ABHD2: variants seen among roughly 807,000 people sequenced by gnomAD.
ABHD2 encodes abhydrolase domain containing 2, acylglycerol lipase, also known as monoacylglycerol lipase ABHD2.
ABHD2 carries 20 observed loss-of-function variants against 48.1 expected under a neutral mutation model. That is an observed-to-expected ratio of 0.42 (90% CI 0.29 to 0.60). The LOEUF (loss-of-function observed/expected upper bound fraction) is 0.60. ABHD2 is among the 20% of genes least tolerant of loss of function. ABHD2 has a pLI of 0.24. For synonymous variants in ABHD2, 209 were observed against 214.2 expected (o/e 0.98, Z 0.21); for missense variants, 405 against 550.9 (o/e 0.74, Z 2.65).
At chr15:89,075,435 G>A in the ABHD2 span, 1 of 152,288 alleles carries the variant, frequency 6.6e-6, no homozygotes, top group Non-Finnish European at 1.5e-5. The surrounding 1 kb of genome is among the most constrained non-coding windows in gnomAD (Gnocchi z 4.1). Context: ...AGTCCAGATC[G>A]AGTCAAAGGT....
intron 5 of ABHD2, among the ~76,000 whole-genome samples, chr15:89,161,119 C>T (rs868078890): frequency 7.2e-5 from 11 of 152,114 alleles, no homozygotes; most frequent in Admixed American, 2.0e-4. Context: ...TAAAAGATAC[C>T]TGTGCCAGTG....
At position 89,188,074 on chromosome 15, in the gene ABHD2, C is replaced by T; in HGVS notation, c.816-119C>T. On this transcript the variant is annotated intron_variant, in intron 7 of 10. Coordinates refer to ENST00000352732, the MANE Select transcript of ABHD2 (RefSeq NM_152924.5). This position sits in a 1 kb window ranked among gnomAD's most constrained non-coding sequence, Gnocchi z 4.1. Reference sequence around the variant, plus strand: ...TGGGACATTCCAAAGGCTAAAGGTTCTATTTCTAACTGACCACGTTGGCTC... The same window carrying T: ...TGGGACATTCCAAAGGCTAAAGGTTTTATTTCTAACTGACCACGTTGGCTC... 1.4e-6 allele frequency: 1 copy of T among 726,316 alleles called. No individual in the cohort carries two copies. Among genetic ancestry groups the T allele is most frequent in the South Asian group, 1.7e-5 (1 of 58,904 alleles). The allele number at this position is 726,316 out of a possible 1,614,324, so 45.0% of individuals were successfully genotyped here.
Position 89,197,055 on chromosome 15 carries a change from GGAGCCACCTGGGCGCCT to G in ABHD2, c.*1636_*1652del, listed in dbSNP as rs1394728159. The G allele has an allele frequency of 2.0e-5, 3 of 152,682 alleles. No individual in the cohort carries two copies. Among genetic ancestry groups the G allele is most frequent in the Non-Finnish European group, 4.4e-5 (3 of 68,058 alleles). The allele number at this position is 152,682 out of a possible 1,614,324, so 9.5% of individuals were successfully genotyped here. A position where few individuals can be genotyped will look rare whatever the true frequency, so the allele number is the denominator to read the frequency against. The stretch of plus-strand genomic sequence containing the variant: ...CTGCATGGATGTTTCAGGGATCAAA[GGAGCCACCTGGGCGCCT>G]GAGTGCCAACCCTCAGGGCCACAGG... On this transcript the variant is annotated 3_prime_UTR_variant, in exon 11 of 11. Coordinates refer to ENST00000352732, the MANE Select transcript of ABHD2 (RefSeq NM_152924.5). The surrounding 1 kb of genome is among the most constrained non-coding windows in gnomAD (Gnocchi z 4.4).
At chr15:89,193,622 A>G (rs986810285) in intron 10 of ABHD2, among the ~76,000 whole-genome samples, 1 of 152,188 alleles carries the variant, frequency 6.6e-6, no homozygotes, top group Non-Finnish European at 1.5e-5. Flanking sequence ...GGGTTCCCCT[A>G]AGTTTGAAAG....
the ABHD2 span, among the ~76,000 whole-genome samples, chr15:89,079,845 A>G: frequency 2.4e-4 from 36 of 152,144 alleles, no homozygotes; most frequent in African/African-American, 8.4e-4. The surrounding 1 kb of genome is among the most constrained non-coding windows in gnomAD (Gnocchi z 4.3). Flanking sequence ...AACACGGGCT[A>G]CCTCTTTCCC....
At chr15:89,153,543 G>A (rs183272962) in intron 4 of ABHD2, among the ~76,000 whole-genome samples, 67 of 152,334 alleles carry the variant, frequency 4.4e-4, no homozygotes, top group Non-Finnish European at 8.4e-4. Context: ...GAAAAGGGCA[G>A]AAGAGTGATT....
rs1234214425 is a variant in ABHD2, at chr15:89,174,525, G to A, written c.539-1287G>A. Among the ~76,000 whole-genome samples, 1 of 152,166 alleles carries A rather than the reference G, an allele frequency of 6.6e-6. No homozygotes were observed. The highest frequency in any genetic ancestry group is 2.4e-5 in the African/African-American group (1 of 41,454). On this transcript the variant is annotated intron_variant, in intron 5 of 10. Coordinates refer to ENST00000352732, the MANE Select transcript of ABHD2 (RefSeq NM_152924.5). The surrounding 1 kb of genome is among the most constrained non-coding windows in gnomAD (Gnocchi z 4.1). Reference sequence around the variant, plus strand: ...TAGGCTACATCCTACCACAAAAGAAGACAGATATAAGGGGAGTTTACCCCA... The same window carrying A: ...TAGGCTACATCCTACCACAAAAGAAAACAGATATAAGGGGAGTTTACCCCA...
Position 89,097,283 on chromosome 15 carries a change from C to G in ABHD2, c.-107+8720C>G, listed in dbSNP as rs183885781. On this transcript the variant is annotated intron_variant, in intron 1 of 10. Transcript: ENST00000352732. This position sits in a 1 kb window ranked among gnomAD's most constrained non-coding sequence, Gnocchi z 4.2. ...CTCACATTAATTTTGAAATAGATCCCAAACATCATATAGTTGCATCTGTAA... is the reference window on the plus strand; with the variant it reads ...CTCACATTAATTTTGAAATAGATCCGAAACATCATATAGTTGCATCTGTAA... 3.9e-5 allele frequency among the ~76,000 whole-genome samples: 6 copies of G among 152,264 alleles called. No individual in the cohort carries two copies. The East Asian group carries it at 9.6e-4, about 24-fold the overall frequency.
intron 3 of ABHD2, among the ~76,000 whole-genome samples, chr15:89,141,924 G>T (rs1315313355): frequency 6.6e-6 from 1 of 152,228 alleles, no homozygotes. Flanking sequence ...ATTTTTAAAG[G>T]TAGAGGTTGG....
At chr15:89,163,228 T>C (rs945721004) in intron 5 of ABHD2, among the ~76,000 whole-genome samples, 1 of 152,240 alleles carries the variant, frequency 6.6e-6, no homozygotes, top group African/African-American at 2.4e-5. Context: ...TCTTTTCCCA[T>C]TTATCAACCC....
In ABHD2 at chr15:89,201,736, G is replaced by A; in HGVS notation, c.*6313G>A. The A allele has an allele frequency of 6.3e-7, 1 of 1,587,572 alleles. No individual in the cohort carries two copies. The highest frequency in any genetic ancestry group is 8.7e-7 in the Non-Finnish European group (1 of 1,156,030). ...TCTGTGAAGGGGCCTTTGAATTTGA[G>A]GTCTATGGGCGGGTCGAGGACCAGG... On this transcript the variant is annotated 3_prime_UTR_variant, in exon 11 of 11. Transcript: ENST00000352732.
chr15:89,052,932 A>G, the ABHD2 span, among the ~76,000 whole-genome samples: 396 of 150,732 alleles, frequency 2.6e-3, 1 homozygote, highest in African/African-American at 9.1e-3. Context: ...ACCTATGAAA[A>G]CGTAGTCCAG....
chr15:89,116,802 A>T lies in ABHD2; in HGVS notation c.194+281A>T, dbSNP rs1370243294. Among the ~76,000 whole-genome samples, 1 of 152,230 alleles carries T rather than the reference A, an allele frequency of 6.6e-6. No homozygotes were observed. Among genetic ancestry groups the T allele is most frequent in the African/African-American group, 2.4e-5 (1 of 41,470 alleles). The stretch of plus-strand genomic sequence containing the variant: ...AAATAGTAGTCATTTTTAGGCAGAT[A>T]TGGAAAAGTTGGACAATATTCTAGT... On this transcript the variant is annotated intron_variant, in intron 3 of 10. Transcript: ENST00000352732. This position sits in a 1 kb window ranked among gnomAD's most constrained non-coding sequence, Gnocchi z 4.6.
the ABHD2 span, among the ~76,000 whole-genome samples, chr15:89,064,808 A>G: frequency 6.6e-6 from 1 of 152,166 alleles, no homozygotes; most frequent in Non-Finnish European, 1.5e-5. Context: ...CATATCACAC[A>G]GGAGAGCATA....
intron 6 of ABHD2, among the ~76,000 whole-genome samples, chr15:89,178,903 T>G (rs1403363623): frequency 3.3e-5 from 5 of 152,106 alleles, no homozygotes; most frequent in African/African-American, 1.2e-4. Context: ...TAAAATAAAT[T>G]CTTTCCCAAG....
At chr15:89,061,160 G>C in the ABHD2 span, among the ~76,000 whole-genome samples, 2 of 152,134 alleles carry the variant, frequency 1.3e-5, no homozygotes, top group African/African-American at 4.8e-5. Context: ...CTCACGCCTT[G>C]TAATCCCAGC....
Position 89,155,607 on chromosome 15 carries a change from CTTTTTT to C in ABHD2, c.538+75_538+80del. ...TACTTCTGCTTCTGCCTTGTTTTTT[CTTTTTT>C]TAAGTTTTAAACCTATGCCCATCTG... On this transcript the variant is annotated intron_variant, in intron 5 of 10. Transcript: ENST00000352732. This position sits in a 1 kb window ranked among gnomAD's most constrained non-coding sequence, Gnocchi z 4.9. 1 of 1,544,610 alleles carries C rather than the reference CTTTTTT, an allele frequency of 6.5e-7. No individual in the cohort carries two copies. Among genetic ancestry groups the C allele is most frequent in the South Asian group, 1.2e-5 (1 of 81,924 alleles).
chr15:89,145,330 G>A (rs1035987394), intron 3 of ABHD2, among the ~76,000 whole-genome samples: 3 of 152,220 alleles, frequency 2.0e-5, no homozygotes, highest in African/African-American at 7.2e-5. Context: ...GAAAATGGAT[G>A]CATGGAGAGA....
At chr15:89,049,191 T>C in the ABHD2 span, among the ~76,000 whole-genome samples, 1 of 152,142 alleles carries the variant, frequency 6.6e-6, no homozygotes, top group Non-Finnish European at 1.5e-5. Context: ...GCCTCCCAGT[T>C]AGGCTGCCCG....
Sources: gnomAD v4.1 joint callset for allele counts (sites outside exome capture counted in the v4.1 genomes callset) on GRCh38, gnomAD v4.1.1 for gene constraint, Gnocchi (gnomAD v3.1) non-coding constraint, MANE v1.5 for transcripts, NCBI Gene and HGNC (gene_info 2026-07-23, HGNC 2026-07-21) for gene names.